The following HAPLN1 variants were observed in gnomAD, a reference collection of about 807,000 sequenced individuals.
HAPLN1 encodes the protein hyaluronan and proteoglycan link protein 1.
HAPLN1 carries 13 observed loss-of-function variants against 36.5 expected under a neutral mutation model. The ratio of observed to expected loss-of-function variants is 0.36; its 90% CI spans 0.23 to 0.57. The LOEUF (loss-of-function observed/expected upper bound fraction) is 0.57, where lower values mean the gene tolerates loss of function less well. Ranked by LOEUF, HAPLN1 falls within the 20% of genes least tolerant of loss-of-function variation. The probability of loss-of-function intolerance (pLI) is 0.83; values close to 1 mark genes in which losing one functional copy is unlikely to be tolerated. For missense variants in HAPLN1, 407 were observed against 439.7 expected (o/e 0.93, Z 0.66); for synonymous variants, 202 against 169.8 (o/e 1.19, Z -1.48).
In HAPLN1 at chr5:83,640,332, C is replaced by T. The variant is rs1347565484; in HGVS notation, c.*1164G>A. ...TGACAGCTTCAGCATTTAATTTAAG[C>T]CTAATGATGACCAGCAAGGAAAGTG... On this transcript the variant is annotated 3_prime_UTR_variant, in exon 5 of 5. Transcript: ENST00000274341. 6.6e-6 allele frequency: 1 copy of T among 152,080 alleles called. No individual in the cohort carries two copies. Among genetic ancestry groups the T allele is most frequent in the African/African-American group, 2.4e-5 (1 of 41,430 alleles). The allele number at this position is 152,080 out of a possible 1,614,324, so 9.4% of individuals were successfully genotyped here.
At chr5:83,699,400 C>T (rs1183314267) in intron 1 of HAPLN1, among the ~76,000 whole-genome samples, 12 of 152,252 alleles carry the variant, frequency 7.9e-5, no homozygotes, top group Admixed American at 5.2e-4. Flanking sequence ...TCACCACGGC[C>T]TAGGATGCTA....
chr5:83,702,318 T>G (rs1477913771), intron 1 of HAPLN1, among the ~76,000 whole-genome samples: 1 of 152,250 alleles, frequency 6.6e-6, no homozygotes, highest in African/African-American at 2.4e-5. Context: ...GTATAAATTA[T>G]AAACTTTTCA....
chr5:83,688,085 C>T (rs1167561233), intron 1 of HAPLN1, among the ~76,000 whole-genome samples: 1 of 152,160 alleles, frequency 6.6e-6, no homozygotes, highest in Non-Finnish European at 1.5e-5. Context: ...TCTAGCTATG[C>T]ATGCATCTAC....
intron 4 of HAPLN1, among the ~76,000 whole-genome samples, chr5:83,642,093 G>A (rs1350424848): frequency 6.6e-6 from 1 of 152,152 alleles, no homozygotes; most frequent in Non-Finnish European, 1.5e-5. Context: ...TGTGGCACTA[G>A]AGAAGACAGA....
At chr5:83,666,281 C>T (rs547285051) in intron 2 of HAPLN1, among the ~76,000 whole-genome samples, 2 of 152,060 alleles carry the variant, frequency 1.3e-5, no homozygotes, top group African/African-American at 4.8e-5. Context: ...GTTGAAATCA[C>T]TGTAATACTA....
chr5:83,681,947 T>C (rs567817235), intron 1 of HAPLN1, among the ~76,000 whole-genome samples: 6 of 152,272 alleles, frequency 3.9e-5, no homozygotes, highest in African/African-American at 1.4e-4. Context: ...AGTTACAGGT[T>C]TTATAATTTG....
chr5:83,706,978 T>C (rs576196956), intron 1 of HAPLN1, among the ~76,000 whole-genome samples: 57 of 152,180 alleles, frequency 3.7e-4, no homozygotes, highest in African/African-American at 1.2e-3. Context: ...CCATTCACAA[T>C]TGCCACAGAA....
chr5:83,697,148 T>C (rs1751406285), intron 1 of HAPLN1, among the ~76,000 whole-genome samples: 1 of 152,120 alleles, frequency 6.6e-6, no homozygotes, highest in South Asian at 2.1e-4. Context: ...ATTCAATGAC[T>C]TCAATGAATT....
chr5:83,709,516 T>C (rs542001532), intron 1 of HAPLN1, among the ~76,000 whole-genome samples: 32 of 150,980 alleles, frequency 2.1e-4, no homozygotes, highest in Non-Finnish European at 4.0e-4. Context: ...ATTTTTATTT[T>C]AGATTCAGGG....
intron 1 of HAPLN1, among the ~76,000 whole-genome samples, chr5:83,688,988 A>G (rs1242074946): frequency 2.0e-5 from 3 of 152,184 alleles, no homozygotes; most frequent in Non-Finnish European, 4.4e-5. Flanking sequence ...ATTGAGGCTT[A>G]AGTACAATTC....
intron 3 of HAPLN1, among the ~76,000 whole-genome samples, chr5:83,647,346 C>T (rs1749905851): frequency 6.6e-6 from 1 of 152,164 alleles, no homozygotes; most frequent in Non-Finnish European, 1.5e-5. Context: ...ATTTGAATTA[C>T]TGTTTGATGT....
rs570485695 is a variant in HAPLN1 at position 83,667,741 on chromosome 5, C to T, written c.100+5683G>A. Among the ~76,000 whole-genome samples, 4 of 152,302 alleles carry T rather than the reference C, an allele frequency of 2.6e-5. No individual in the cohort carries two copies. The East Asian group carries it at 5.8e-4, about 22-fold the overall frequency. On this transcript the variant is annotated intron_variant, in intron 2 of 4. Coordinates refer to ENST00000274341, the MANE Select transcript of HAPLN1 (RefSeq NM_001884.4). ...CATACATTATTAGATTCACCCACTC[C>T]TTGTGATACATTCTGTACCACCAAA...
chr5:83,703,092 C>T (rs1393892635), intron 1 of HAPLN1, among the ~76,000 whole-genome samples: 1 of 152,124 alleles, frequency 6.6e-6, no homozygotes, highest in Non-Finnish European at 1.5e-5. Flanking sequence ...TGCAGTGCTT[C>T]CTGAATCTGT....
At chr5:83,703,170 C>G (rs1298210011) in intron 1 of HAPLN1, among the ~76,000 whole-genome samples, 1 of 152,156 alleles carries the variant, frequency 6.6e-6, no homozygotes, top group Non-Finnish European at 1.5e-5. Flanking sequence ...TTAACTCCAT[C>G]TGAGATGCCT....
At chr5:83,705,930 C>T (rs1176024977) in intron 1 of HAPLN1, among the ~76,000 whole-genome samples, 3 of 151,664 alleles carry the variant, frequency 2.0e-5, no homozygotes, top group African/African-American at 7.3e-5. Flanking sequence ...ATAAAAACAA[C>T]CATCAGAAAC....
chr5:83,685,988 A>G (rs1751111250), intron 1 of HAPLN1: 1 of 152,098 alleles, frequency 6.6e-6, no homozygotes, highest in Admixed American at 6.6e-5. Flanking sequence ...AAGTTCTCGA[A>G]GTCCATTTGT....
chr5:83,695,160 T>C (rs1418156351), intron 1 of HAPLN1, among the ~76,000 whole-genome samples: 2 of 152,120 alleles, frequency 1.3e-5, no homozygotes, highest in African/African-American at 4.8e-5. Flanking sequence ...AGTCTCACTC[T>C]TGTCACCCAG....
chr5:83,663,595 T>G (rs977584094), intron 2 of HAPLN1, among the ~76,000 whole-genome samples: 24 of 152,198 alleles, frequency 1.6e-4, no homozygotes, highest in African/African-American at 5.8e-4. Context: ...CATCTTCCTG[T>G]TGGTCCTATA....
At chr5:83,704,181 A>G (rs186028112) in intron 1 of HAPLN1, among the ~76,000 whole-genome samples, 18 of 152,260 alleles carry the variant, frequency 1.2e-4, no homozygotes, top group Non-Finnish European at 2.1e-4. Context: ...AAGAAGAAAT[A>G]AGATCTTTTT....
Sources: allele counts gnomAD v4.1 joint callset (sites outside exome capture counted in the v4.1 genomes callset), GRCh38; gene constraint gnomAD v4.1.1; transcripts MANE v1.5; gene names NCBI Gene and HGNC (gene_info 2026-07-23, HGNC 2026-07-21).